RGS6: variants seen among roughly 807,000 people sequenced by gnomAD.
RGS6 encodes regulator of G-protein signaling 6.
RGS6 carries 30 observed loss-of-function variants against 78.5 expected under a neutral mutation model. The observed-to-expected ratio is 0.38, with a 90% CI of 0.29 to 0.52. RGS6 has a LOEUF of 0.52. Ranked by LOEUF, RGS6 falls within the 20% of genes least tolerant of loss-of-function variation. The pLI, the probability that RGS6 is intolerant of heterozygous loss-of-function variation, is 0.85. For missense variants in RGS6, 495 were observed against 609.7 expected (o/e 0.81, Z 1.98); for synonymous variants, 206 against 206.0 (o/e 1.00, Z 0.00).
intron 2 of RGS6, among the ~76,000 whole-genome samples, chr14:72,223,020 G>A (rs1313733004): frequency 3.9e-5 from 6 of 152,168 alleles, no homozygotes; most frequent in African/African-American, 1.4e-4. Flanking sequence ...AACAAATTTT[G>A]TGTTTGTGGA....
chr14:71,982,714 G>A (rs1191961903), intron 2 of RGS6, among the ~76,000 whole-genome samples: 1 of 152,224 alleles, frequency 6.6e-6, no homozygotes, highest in African/African-American at 2.4e-5. Flanking sequence ...AGAAGAACAA[G>A]CAGCTCCAAT....
At chr14:71,956,833 G>A (rs1311476854) in intron 1 of RGS6, among the ~76,000 whole-genome samples, 1 of 152,200 alleles carries the variant, frequency 6.6e-6, no homozygotes, top group African/African-American at 2.4e-5. Flanking sequence ...GTATGTGCAA[G>A]GGAGTGATTA....
intron 3 of RGS6, among the ~76,000 whole-genome samples, chr14:72,385,365 A>G (rs1388921004): frequency 6.6e-6 from 1 of 152,198 alleles, no homozygotes; most frequent in Non-Finnish European, 1.5e-5. Context: ...AAGTTTTTCA[A>G]GACTGCTGAT....
intron 2 of RGS6, among the ~76,000 whole-genome samples, chr14:72,024,004 G>A (rs1263889301): frequency 6.6e-6 from 1 of 152,202 alleles, no homozygotes; most frequent in Non-Finnish European, 1.5e-5. Context: ...GCGACAATGA[G>A]CTCATTGGGA....
At chr14:71,907,197 A>G in the RGS6 span, among the ~76,000 whole-genome samples, 1 of 152,214 alleles carries the variant, frequency 6.6e-6, no homozygotes, top group Admixed American at 6.5e-5. Flanking sequence ...TTAATCAGTT[A>G]ATCATTAAAT....
intron 15 of RGS6, among the ~76,000 whole-genome samples, chr14:72,533,879 C>A (rs979568768): frequency 6.6e-6 from 1 of 152,188 alleles, no homozygotes; most frequent in Non-Finnish European, 1.5e-5. Flanking sequence ...GAGATGGAAT[C>A]TACTCCTAAT....
intron 2 of RGS6, among the ~76,000 whole-genome samples, chr14:72,119,447 T>C (rs909693895): frequency 6.6e-6 from 1 of 152,214 alleles, no homozygotes; most frequent in Non-Finnish European, 1.5e-5. Context: ...TTTACAAAAA[T>C]GACCATGCAT....
intron 2 of RGS6, among the ~76,000 whole-genome samples, chr14:71,974,627 G>A (rs938999479): frequency 7.2e-5 from 11 of 152,078 alleles, no homozygotes; most frequent in Admixed American, 4.6e-4. Context: ...TATGGTTAGG[G>A]AGAATATTCT....
At chr14:72,526,205 G>A (rs890088858) in intron 15 of RGS6, among the ~76,000 whole-genome samples, 4 of 151,578 alleles carry the variant, frequency 2.6e-5, no homozygotes, top group African/African-American at 4.8e-5. Flanking sequence ...CTGGGTTCAC[G>A]CCATTCTCTT....
At chr14:72,229,937 A>G (rs1026319230) in intron 2 of RGS6, among the ~76,000 whole-genome samples, 3 of 152,236 alleles carry the variant, frequency 2.0e-5, no homozygotes, top group Admixed American at 6.5e-5. Context: ...CTACTGGAGA[A>G]GGGCTCTGTT....
intron 1 of RGS6, among the ~76,000 whole-genome samples, chr14:71,936,015 G>GATATATATATATATATATATATATATC (rs55686505): frequency 1.6e-5 from 1 of 63,800 alleles, no homozygotes; most frequent in Non-Finnish European, 3.3e-5. Flanking sequence ...GAACTAATAG[G>GATATATATATATATATATATATATATC]ATATATATAT....
chr14:72,300,952 A>G (rs912535934), intron 2 of RGS6, among the ~76,000 whole-genome samples: 1 of 152,250 alleles, frequency 6.6e-6, no homozygotes, highest in Admixed American at 6.5e-5. Context: ...TGACAGAAAT[A>G]TGCAAGAATA....
the RGS6 span, among the ~76,000 whole-genome samples, chr14:72,613,756 C>T: frequency 6.6e-6 from 1 of 152,204 alleles, no homozygotes; most frequent in African/African-American, 2.4e-5. Flanking sequence ...CCGGACCCCT[C>T]CTCCTCAGAG....
chr14:71,915,449 T>C, the RGS6 span, among the ~76,000 whole-genome samples: 1 of 152,130 alleles, frequency 6.6e-6, no homozygotes, highest in African/African-American at 2.4e-5. Flanking sequence ...GAGAGATGCC[T>C]GTGAGTTCCC....
At chr14:72,002,839 A>C (rs2083745579) in intron 2 of RGS6, among the ~76,000 whole-genome samples, 1 of 152,166 alleles carries the variant, frequency 6.6e-6, no homozygotes, top group Non-Finnish European at 1.5e-5. Context: ...CCTATCATCT[A>C]GAGTCATGGT....
intron 3 of RGS6, among the ~76,000 whole-genome samples, chr14:72,413,977 C>T (rs535568110): frequency 6.6e-6 from 1 of 152,186 alleles, no homozygotes; most frequent in Non-Finnish European, 1.5e-5. Context: ...GGTAACCCGA[C>T]CTTTCTCTCT....
chr14:71,966,445 A>G (rs945356539), intron 2 of RGS6, among the ~76,000 whole-genome samples: 1 of 152,232 alleles, frequency 6.6e-6, no homozygotes, highest in Non-Finnish European at 1.5e-5. Flanking sequence ...AATTAGTGAA[A>G]CATACAGAAT....
At chr14:72,491,264 T>C (rs1176934313) in intron 12 of RGS6, among the ~76,000 whole-genome samples, 1 of 143,270 alleles carries the variant, frequency 7.0e-6, no homozygotes, top group East Asian at 2.2e-4. Context: ...ATATGCATTC[T>C]AAATAAATAA....
intron 16 of RGS6, among the ~76,000 whole-genome samples, chr14:72,538,751 C>A (rs1441653480): frequency 6.6e-6 from 1 of 152,230 alleles, no homozygotes; most frequent in African/African-American, 2.4e-5. Flanking sequence ...AGAAGAAAGG[C>A]CAGCCCAACT....
Sources: allele counts gnomAD v4.1 joint callset (sites outside exome capture counted in the v4.1 genomes callset), GRCh38; gene constraint gnomAD v4.1.1; transcripts MANE v1.5; gene names NCBI Gene and HGNC (gene_info 2026-07-23, HGNC 2026-07-21).